Variants in COL25A1 observed in about 807,000 individuals in gnomAD.
COL25A1 encodes collagen alpha-1(XXV) chain.
COL25A1 carries 103 observed loss-of-function variants against 128.4 expected under a neutral mutation model. The ratio of observed to expected loss-of-function variants is 0.80; its 90% confidence interval spans 0.68 to 0.94. The LOEUF (loss-of-function observed/expected upper bound fraction) is 0.94, where lower values mean the gene tolerates loss of function less well. Among genes scored for constraint, COL25A1 ranks in the 40% least tolerant of loss-of-function variants. The pLI, the probability that COL25A1 is intolerant of heterozygous loss-of-function variation, is 0.00. For synonymous variants in COL25A1, 279 were observed against 277.2 expected (o/e 1.01, Z -0.06); for missense variants, 745 against 840.0 (o/e 0.89, Z 1.40).
intron 5 of COL25A1, among the ~76,000 whole-genome samples, chr4:109,039,326 T>C (rs1178541319): frequency 1.3e-5 from 2 of 152,192 alleles, no homozygotes; most frequent in African/African-American, 4.8e-5. Flanking sequence ...CATAGCCTCA[T>C]CCTGCTCCAA....
chr4:108,958,722 A>T (rs2125963348), intron 8 of COL25A1, among the ~76,000 whole-genome samples: 1 of 152,084 alleles, frequency 6.6e-6, no homozygotes, highest in African/African-American at 2.4e-5. Flanking sequence ...CAACTGTGCT[A>T]ACTTTCTAAA....
At chr4:109,267,239 G>C (rs981671444) in intron 3 of COL25A1, among the ~76,000 whole-genome samples, 1 of 152,086 alleles carries the variant, frequency 6.6e-6, no homozygotes, top group Non-Finnish European at 1.5e-5. Context: ...TTGAGCACTA[G>C]TGACAAATAA....
intron 18 of COL25A1, among the ~76,000 whole-genome samples, chr4:108,884,541 G>A (rs931956893): frequency 5.3e-5 from 8 of 152,088 alleles, no homozygotes; most frequent in Admixed American, 1.3e-4. Flanking sequence ...TAAATGATTC[G>A]GTGGGGAGGC....
intron 13 of COL25A1, among the ~76,000 whole-genome samples, chr4:108,914,371 C>T (rs1039652997): frequency 1.3e-5 from 2 of 152,170 alleles, no homozygotes; most frequent in Non-Finnish European, 2.9e-5. Context: ...ACAGAGTGTT[C>T]TGATGCCAGG....
intron 3 of COL25A1, among the ~76,000 whole-genome samples, chr4:109,098,608 A>G (rs1053306114): frequency 2.6e-5 from 4 of 152,202 alleles, no homozygotes; most frequent in African/African-American, 9.7e-5. Flanking sequence ...GCAAAACAAA[A>G]CAAAATTTTC....
intron 3 of COL25A1, among the ~76,000 whole-genome samples, chr4:109,151,063 C>T (rs775053905): frequency 6.6e-5 from 10 of 151,872 alleles, no homozygotes; most frequent in African/African-American, 1.2e-4. Context: ...TCTTCAACTG[C>T]GTAAAAGTAA....
chr4:109,206,495 G>T (rs183156632), intron 3 of COL25A1, among the ~76,000 whole-genome samples: 71 of 152,232 alleles, frequency 4.7e-4, no homozygotes, highest in African/African-American at 1.5e-3. Context: ...CCAGGGATTT[G>T]CTGAACAGCC....
In COL25A1 at chr4:109,138,361, C is replaced by T. The variant is rs1041035598; in HGVS notation, c.368-88182G>A. Among the ~76,000 whole-genome samples, 9 of 152,144 alleles carry T rather than the reference C, an allele frequency of 5.9e-5. No homozygotes were observed. The East Asian group carries it at 7.7e-4, about 13-fold the overall frequency. On this transcript the variant is annotated intron_variant, in intron 3 of 37. Coordinates refer to ENST00000399132, the MANE Select transcript of COL25A1 (RefSeq NM_198721.4). ...ATAGTATTCCATGGCGTATATGTGC[C>T]ACATTTTCTTTATCCAGTCTATCAT...
chr4:109,235,556 A>G lies in COL25A1; in HGVS notation c.367+65027T>C, dbSNP rs1249536402. Among the ~76,000 whole-genome samples, 3 of 151,800 alleles carry G rather than the reference A, an allele frequency of 2.0e-5. No homozygotes were observed. In the East Asian group the frequency reaches 5.8e-4, roughly 29 times the overall value. On this transcript the variant is annotated intron_variant, in intron 3 of 37. Transcript: ENST00000399132. Reference sequence around the variant, plus strand: ...TACACCCACACACGAATACACACACACACACACACAGCCCCTCCACAAAGA... The same window carrying G: ...TACACCCACACACGAATACACACACGCACACACACAGCCCCTCCACAAAGA...
chr4:108,930,915 CACAA>C (rs1274174306), intron 11 of COL25A1, among the ~76,000 whole-genome samples: 2 of 152,316 alleles, frequency 1.3e-5, no homozygotes, highest in South Asian at 2.1e-4. Flanking sequence ...AAATGTAAAG[CACAA>C]ACAGATTTAA....
chr4:109,000,005 T>C (rs1755190126), intron 6 of COL25A1, among the ~76,000 whole-genome samples: 1 of 151,966 alleles, frequency 6.6e-6, no homozygotes, highest in Non-Finnish European at 1.5e-5. Flanking sequence ...TTAGGAGAAA[T>C]ACCTAATGTA....
At chr4:109,129,956 C>T (rs1397044904) in intron 3 of COL25A1, among the ~76,000 whole-genome samples, 1 of 148,686 alleles carries the variant, frequency 6.7e-6, no homozygotes, top group Non-Finnish European at 1.5e-5. Flanking sequence ...ACATATGTGA[C>T]TAACCTGCAC....
chr4:108,912,685 T>C (rs1744371090), intron 13 of COL25A1, among the ~76,000 whole-genome samples: 1 of 152,146 alleles, frequency 6.6e-6, no homozygotes, highest in South Asian at 2.1e-4. Flanking sequence ...TTATAGTAAG[T>C]GAATGGGGGA....
intron 32 of COL25A1, among the ~76,000 whole-genome samples, chr4:108,830,838 A>G (rs28521634): frequency 0.054 from 8,260 of 152,330 alleles, 729 homozygotes; most frequent in African/African-American, 0.19. Context: ...CATTTTTAGT[A>G]CATGGGCTGG....
intron 24 of COL25A1, 39 bp from the exon 25 acceptor site, chr4:108,852,964 T>A: frequency 6.3e-7 from 1 of 1,578,570 alleles, no homozygotes; most frequent in Non-Finnish European, 8.7e-7. Context: ...GAGTTATCTA[T>A]TTTGTGTGCC....
intron 3 of COL25A1, among the ~76,000 whole-genome samples, chr4:109,128,324 G>A (rs1768830474): frequency 6.6e-6 from 1 of 152,180 alleles, no homozygotes; most frequent in Non-Finnish European, 1.5e-5. Flanking sequence ...GAGCCTGGAA[G>A]AGGTGATGCT....
At chr4:109,149,457 A>G in intron 3 of COL25A1, among the ~76,000 whole-genome samples, 1 of 152,122 alleles carries the variant, frequency 6.6e-6, no homozygotes. Flanking sequence ...ATATTTATTG[A>G]GCCTACTCAA....
intron 16 of COL25A1, among the ~76,000 whole-genome samples, chr4:108,890,631 G>T (rs570076352): frequency 6.6e-6 from 1 of 152,100 alleles, no homozygotes; most frequent in Non-Finnish European, 1.5e-5. Flanking sequence ...TATGCTAGAA[G>T]GAAAAAGAAA....
chr4:108,899,042 C>T (rs1742509916), intron 15 of COL25A1, 112 bp downstream of exon 15: 2 of 940,240 alleles, frequency 2.1e-6, no homozygotes. Flanking sequence ...AATCTACCCA[C>T]CCACCCATCC....
Sources: allele counts gnomAD v4.1 joint callset (sites outside exome capture counted in the v4.1 genomes callset), GRCh38; gene constraint gnomAD v4.1.1; transcripts MANE v1.5; gene names NCBI Gene and HGNC (gene_info 2026-07-23, HGNC 2026-07-21).